Variants in PTPRD observed in about 807,000 individuals in gnomAD.
PTPRD encodes receptor-type tyrosine-protein phosphatase delta.
A neutral mutation model predicts 214.5 loss-of-function variants in PTPRD; 34 were observed. The observed-to-expected ratio is 0.16, with a 90% confidence interval of 0.12 to 0.21. The LOEUF is 0.21. PTPRD is among the 10% of genes least tolerant of loss of function. The pLI is 1.00. For missense variants in PTPRD, 2,545 were observed against 2,398.7 expected (o/e 1.06, Z -1.27); for synonymous variants, 1,128 against 845.7 (o/e 1.33, Z -5.79).
intron 3 of PTPRD, among the ~76,000 whole-genome samples, chr9:10,320,222 T>A (rs181003589): frequency 3.3e-5 from 5 of 152,188 alleles, no homozygotes; most frequent in Admixed American, 2.6e-4. Flanking sequence ...CATTGCATTA[T>A]GAAGAACCTA....
chr9:10,396,102 T>C (rs775862364), intron 2 of PTPRD, among the ~76,000 whole-genome samples: 6 of 151,920 alleles, frequency 3.9e-5, no homozygotes, highest in Non-Finnish European at 7.4e-5. Flanking sequence ...TCCCTGTGCT[T>C]GGACTCCATG....
intron 7 of PTPRD, among the ~76,000 whole-genome samples, chr9:9,643,095 T>A (rs1181686583): frequency 6.6e-6 from 1 of 152,086 alleles, no homozygotes; most frequent in Non-Finnish European, 1.5e-5. Flanking sequence ...GAGATTTGAG[T>A]TGGTAGATTA....
chr9:9,258,138 T>C (rs1160718653), intron 9 of PTPRD, among the ~76,000 whole-genome samples: 1 of 151,360 alleles, frequency 6.6e-6, no homozygotes, highest in Non-Finnish European at 1.5e-5. Flanking sequence ...GCATCAGGCT[T>C]CTAGATAAAC....
In PTPRD at chr9:8,383,857, G is replaced by C. The variant is rs780046046; in HGVS notation, c.4386+5375C>G. ...TATGGGCAAGGAATGAAGGCAAGCT[G>C]GTGAGGTGAAGTAAAAGTCAGATAT... On this transcript the variant is annotated intron_variant, in intron 37 of 45. Transcript: ENST00000381196. 4.6e-5 allele frequency among the ~76,000 whole-genome samples: 7 copies of C among 152,266 alleles called. No homozygotes were observed. The Middle Eastern group carries it at 0.02, about 444-fold the overall frequency.
intron 43 of PTPRD, among the ~76,000 whole-genome samples, chr9:8,332,033 A>G (rs3780337): frequency 0.5 from 75,644 of 151,992 alleles, 22,960 homozygotes; most frequent in African/African-American, 0.85. Flanking sequence ...TCCCCCATTA[A>G]CAAATGTTTC....
At chr9:8,835,213 C>G (rs1375830206) in intron 11 of PTPRD, among the ~76,000 whole-genome samples, 3 of 152,204 alleles carry the variant, frequency 2.0e-5, no homozygotes, top group Non-Finnish European at 4.4e-5. Flanking sequence ...TGGGTACCAG[C>G]TATAGTCAAG....
At chr9:8,366,879 C>T (rs543933033) in intron 39 of PTPRD, among the ~76,000 whole-genome samples, 4 of 152,312 alleles carry the variant, frequency 2.6e-5, no homozygotes, top group South Asian at 4.1e-4. Context: ...TAAAACTAGC[C>T]ACTTTGAGAG....
chr9:8,390,012 T>A (rs1280944017), intron 36 of PTPRD, among the ~76,000 whole-genome samples: 2 of 152,118 alleles, frequency 1.3e-5, no homozygotes, highest in African/African-American at 4.8e-5. Context: ...AATCCTAGGC[T>A]ACTCGTATGT....
chr9:9,195,396 C>A (rs547319489), intron 9 of PTPRD, among the ~76,000 whole-genome samples: 1 of 152,092 alleles, frequency 6.6e-6, no homozygotes, highest in South Asian at 2.1e-4. Context: ...AAACTGTGTT[C>A]ACTATCAACA....
At chr9:10,167,716 T>C (rs2099167970) in intron 3 of PTPRD, among the ~76,000 whole-genome samples, 1 of 152,190 alleles carries the variant, frequency 6.6e-6, no homozygotes, top group South Asian at 2.1e-4. Context: ...GGAAGCTAGA[T>C]AAAGCCCAAA....
intron 9 of PTPRD, among the ~76,000 whole-genome samples, chr9:9,310,903 A>G (rs1488470904): frequency 6.6e-6 from 1 of 151,402 alleles, no homozygotes; most frequent in Non-Finnish European, 1.5e-5. Flanking sequence ...GGGCAACAAG[A>G]GCAAAGCTGT....
At chr9:9,331,996 G>A (rs922643259) in intron 9 of PTPRD, among the ~76,000 whole-genome samples, 3 of 151,990 alleles carry the variant, frequency 2.0e-5, no homozygotes, top group African/African-American at 7.2e-5. Flanking sequence ...ATCAATGGGA[G>A]GAATAAAAGG....
intron 12 of PTPRD, among the ~76,000 whole-genome samples, chr9:8,643,539 C>T (rs183596720): frequency 6.6e-6 from 1 of 152,312 alleles, no homozygotes; most frequent in African/African-American, 2.4e-5. Context: ...TGCAGATGGG[C>T]TGCCTCAGGG....
rs1364486459 is a variant in PTPRD at position 10,612,864 on chromosome 9, G to C, written c.-884C>G. On this transcript the variant is annotated 5_prime_UTR_variant, in exon 1 of 46. Coordinates refer to ENST00000381196, the MANE Select transcript of PTPRD (RefSeq NM_002839.4). ...GCAGCCGAGACGGCAAGGAGGAGGCGAGGCTCTGTCGGGGCGAGGCGCTGC... is the reference window on the plus strand; with the variant it reads ...GCAGCCGAGACGGCAAGGAGGAGGCCAGGCTCTGTCGGGGCGAGGCGCTGC... The C allele has an allele frequency of 6.6e-6, 1 of 152,050 alleles. No homozygotes were observed. The highest frequency in any genetic ancestry group is 2.4e-5 in the African/African-American group (1 of 41,426). 9.4% of individuals were successfully genotyped at this position (152,050 alleles called of 1,614,324 possible).
At chr9:9,988,744 A>G (rs950706551) in intron 4 of PTPRD, among the ~76,000 whole-genome samples, 4 of 152,076 alleles carry the variant, frequency 2.6e-5, no homozygotes, top group African/African-American at 9.7e-5. Flanking sequence ...AAAACTCTAA[A>G]AAGTGTATTA....
intron 8 of PTPRD, among the ~76,000 whole-genome samples, chr9:9,476,923 C>G (rs10977807): frequency 6.6e-6 from 1 of 150,966 alleles, no homozygotes; most frequent in East Asian, 2.0e-4. Flanking sequence ...TCAGTAGGGA[C>G]GGGGTTTCTC....
intron 14 of PTPRD, among the ~76,000 whole-genome samples, chr9:8,588,662 C>T (rs1266135145): frequency 6.6e-6 from 1 of 152,126 alleles, no homozygotes; most frequent in Non-Finnish European, 1.5e-5. Context: ...CATGTGTACA[C>T]CTGTGCATAC....
intron 33 of PTPRD, chr9:8,454,628 A>C (rs374775971): frequency 6.2e-7 from 1 of 1,610,428 alleles, no homozygotes; most frequent in East Asian, 2.2e-5. Flanking sequence ...AGGAAAAAGA[A>C]AGGCTAAATG....
At chr9:10,358,528 G>T (rs1597996837) in intron 2 of PTPRD, among the ~76,000 whole-genome samples, 1 of 151,840 alleles carries the variant, frequency 6.6e-6, no homozygotes, top group East Asian at 1.9e-4. Flanking sequence ...TTAAATAGCT[G>T]CAATGTCAAT....
Sources: gnomAD v4.1 joint callset for allele counts (sites outside exome capture counted in the v4.1 genomes callset) on GRCh38, gnomAD v4.1.1 for gene constraint, MANE v1.5 for transcripts, NCBI Gene and HGNC (gene_info 2026-07-23, HGNC 2026-07-21) for gene names.